The following TTLL7 variants were observed in gnomAD, a reference collection of about 807,000 sequenced individuals.
TTLL7 encodes the protein tubulin tyrosine ligase like 7, also known as tubulin polyglutamylase TTLL7.
TTLL7 carries 53 observed loss-of-function variants against 120.2 expected under a neutral mutation model. The ratio of observed to expected loss-of-function variants is 0.44; its 90% CI spans 0.35 to 0.55. The LOEUF is 0.55. TTLL7 is among the 20% of genes least tolerant of loss of function. TTLL7 has a pLI of 0.00. For synonymous variants in TTLL7, 353 were observed against 351.7 expected (o/e 1.00, Z -0.04); for missense variants, 803 against 1,054.7 (o/e 0.76, Z 3.31).
chr1:83,994,904 G>T (rs532258932), intron 1 of TTLL7, among the ~76,000 whole-genome samples: 2 of 152,258 alleles, frequency 1.3e-5, no homozygotes, highest in South Asian at 2.1e-4. Context: ...AAATTTGAAG[G>T]AGATAGATAT....
At chr1:83,887,624 T>G (rs970182186) in intron 19 of TTLL7, among the ~76,000 whole-genome samples, 1 of 152,120 alleles carries the variant, frequency 6.6e-6, no homozygotes, top group African/African-American at 2.4e-5. Flanking sequence ...TGCACAGGCA[T>G]AGTAGGCTAG....
At chr1:83,960,944 T>C (rs559541330) in intron 1 of TTLL7, among the ~76,000 whole-genome samples, 6 of 152,250 alleles carry the variant, frequency 3.9e-5, no homozygotes, top group African/African-American at 1.4e-4. Context: ...GCTGGGCCCA[T>C]TACCCAAAGC....
At chr1:83,890,857 A>C (rs1655404316) in intron 18 of TTLL7, among the ~76,000 whole-genome samples, 1 of 152,178 alleles carries the variant, frequency 6.6e-6, no homozygotes, top group African/African-American at 2.4e-5. Context: ...GCAATAACTT[A>C]GACCAGTGGA....
intron 1 of TTLL7, among the ~76,000 whole-genome samples, chr1:83,978,227 A>T (rs1651665108): frequency 6.6e-6 from 1 of 152,204 alleles, no homozygotes; most frequent in Non-Finnish European, 1.5e-5. Flanking sequence ...TGATGCAGAC[A>T]CCAGTCAGGA....
chr1:83,975,659 A>C (rs939478099), intron 1 of TTLL7, among the ~76,000 whole-genome samples: 1 of 152,088 alleles, frequency 6.6e-6, no homozygotes, highest in Non-Finnish European at 1.5e-5. Context: ...TCGCTTTTTG[A>C]ATGGCAAATA....
At chr1:83,890,616 A>G in intron 18 of TTLL7, 135 bp from the exon 19 acceptor site, 1 of 610,340 alleles carries the variant, frequency 1.6e-6, no homozygotes. Flanking sequence ...AAACTGTTTT[A>G]AAAATTAGCC....
intron 5 of TTLL7, among the ~76,000 whole-genome samples, chr1:83,947,991 G>C (rs564981149): frequency 6.6e-6 from 1 of 152,024 alleles, no homozygotes; most frequent in South Asian, 2.1e-4. Context: ...AAAAGACCGG[G>C]GTACTTATTA....
intron 1 of TTLL7, chr1:83,984,096 A>T (rs1182155184): frequency 6.6e-6 from 1 of 152,290 alleles, no homozygotes; most frequent in African/African-American, 2.4e-5. Flanking sequence ...GTTTCAAAAA[A>T]AAAATGGGCA....
intron 1 of TTLL7, chr1:83,981,373 A>G (rs1651936039): frequency 6.6e-6 from 1 of 152,164 alleles, no homozygotes; most frequent in Non-Finnish European, 1.5e-5. Flanking sequence ...GATAAAATAA[A>G]TTTCAAAGCA....
intron 1 of TTLL7, among the ~76,000 whole-genome samples, chr1:83,987,905 A>G (rs576653447): frequency 6.6e-6 from 1 of 152,302 alleles, no homozygotes; most frequent in Non-Finnish European, 1.5e-5. Context: ...TTTTAGATTC[A>G]GGGGGTACAT....
intron 7 of TTLL7, among the ~76,000 whole-genome samples, 160 bp downstream of exon 7, chr1:83,942,303 G>A (rs1223571594): frequency 1.3e-5 from 2 of 152,196 alleles, no homozygotes; most frequent in African/African-American, 2.4e-5. Context: ...AAAGCTGCCT[G>A]TAAGTTAAAA....
Position 83,907,529 on chromosome 1 carries a change from G to A in TTLL7, c.1919C>T (p.Ser640Phe). ...CATGTAGGAGGAAGCACGGTTTAAGGAATGTGACCGAGATGCAGAAGTTGG... is the reference window on the plus strand; with the variant it reads ...CATGTAGGAGGAAGCACGGTTTAAGAAATGTGACCGAGATGCAGAAGTTGG... Reference protein sequence around the residue: ...SRPTSASRSHSLNRASSYMRH... With the variant: ...SRPTSASRSHFLNRASSYMRH... Residue 640 changes from serine to phenylalanine, a missense_variant, in exon 16 of 21, where the codon TCC becomes TTC. This residue lies in a region of TTLL7 where 388 missense variants were observed against 450.4 expected (regional missense o/e 0.86). Transcript: ENST00000260505. 6.2e-7 allele frequency: 1 copy of A among 1,613,280 alleles called. No homozygotes were observed. Among genetic ancestry groups the A allele is most frequent in the Non-Finnish European group, 8.5e-7 (1 of 1,179,488 alleles).
intron 1 of TTLL7, among the ~76,000 whole-genome samples, chr1:83,992,934 T>G (rs921563241): frequency 1.3e-5 from 2 of 152,092 alleles, no homozygotes; most frequent in African/African-American, 4.8e-5. Flanking sequence ...GTCCTGATTT[T>G]CAGCAATCAT....
chr1:83,948,687 G>T lies in TTLL7; in HGVS notation c.288C>A (p.Asn96Lys). The T allele has an allele frequency of 6.2e-7, 1 of 1,607,468 alleles. No individual in the cohort carries two copies. The highest frequency in any genetic ancestry group is 8.5e-7 in the Non-Finnish European group (1 of 1,175,026). ...ISELQNYQRI[N>K]HFPGMGEICR... ...AGATCTCCCCCATTCCTGGAAAATG[G>T]TTGATCCTCTGGAAAATAAAAAGGT... Residue 96 changes from asparagine (N) to lysine (K), a missense_variant, in exon 5 of 21, where the codon AAC becomes AAA. Coordinates refer to ENST00000260505, the MANE Select transcript of TTLL7 (RefSeq NM_024686.6).
intron 10 of TTLL7, among the ~76,000 whole-genome samples, chr1:83,924,036 G>A (rs1454715141): frequency 6.6e-6 from 1 of 152,074 alleles, no homozygotes; most frequent in Non-Finnish European, 1.5e-5. Flanking sequence ...GTAGTTGAAT[G>A]GAATGCCCTC....
rs1652854006 is a variant in TTLL7 at position 83,865,485 on chromosome 1, G to A, written c.*4477C>T. The A allele has an allele frequency of 6.6e-6, 1 of 152,012 alleles. No individual in the cohort carries two copies. The highest frequency in any genetic ancestry group is 2.4e-5 in the African/African-American group (1 of 41,436). 9.4% of individuals were successfully genotyped at this position (152,012 alleles called of 1,614,324 possible). Reference sequence around the variant, plus strand: ...TAATACAGCGCAGTTAATGTAGAATGTGTAACTTGAGTAATTTTCCCTAAT... The same window carrying A: ...TAATACAGCGCAGTTAATGTAGAATATGTAACTTGAGTAATTTTCCCTAAT... On this transcript the variant is annotated 3_prime_UTR_variant, in exon 21 of 21. Coordinates refer to ENST00000260505, the MANE Select transcript of TTLL7 (RefSeq NM_024686.6).
At chr1:83,888,738 A>G (rs1463888081) in intron 19 of TTLL7, among the ~76,000 whole-genome samples, 1 of 151,986 alleles carries the variant, frequency 6.6e-6, no homozygotes, top group African/African-American at 2.4e-5. Context: ...CAATTCAAGT[A>G]GGAGAGTAAT....
intron 1 of TTLL7, among the ~76,000 whole-genome samples, chr1:83,956,352 T>C (rs1557732654): frequency 6.6e-6 from 1 of 151,636 alleles, no homozygotes; most frequent in Non-Finnish European, 1.5e-5. Context: ...CTCAAACTCC[T>C]AGCCTCAAGT....
At chr1:83,961,847 C>T (rs940556751) in intron 1 of TTLL7, among the ~76,000 whole-genome samples, 37 of 152,118 alleles carry the variant, frequency 2.4e-4, no homozygotes, top group African/African-American at 8.7e-4. Flanking sequence ...ATCTCACTCA[C>T]ATTTGTCAAT....
Sources: gnomAD v4.1 joint callset for allele counts (sites outside exome capture counted in the v4.1 genomes callset) on GRCh38, gnomAD v4.1.1 for gene constraint, gnomAD v4.1.1 regional missense constraint, MANE v1.5 for transcripts, NCBI Gene and HGNC (gene_info 2026-07-23, HGNC 2026-07-21) for gene names.